Variants in REPS1 observed in about 807,000 individuals in gnomAD.
The protein encoded by REPS1 is RALBP1 associated Eps domain containing 1.
REPS1 carries 39 observed loss-of-function variants against 100.9 expected under a neutral mutation model. The ratio of observed to expected loss-of-function variants is 0.39; its 90% CI spans 0.30 to 0.50. REPS1 has a LOEUF of 0.50. Ranked by LOEUF, REPS1 falls within the 20% of genes least tolerant of loss-of-function variation. The pLI, the probability that REPS1 is intolerant of heterozygous loss-of-function variation, is 0.86. For missense variants in REPS1, 821 were observed against 968.5 expected (o/e 0.85, Z 2.02); for synonymous variants, 324 against 340.3 (o/e 0.95, Z 0.53).
chr6:138,987,580 C>T lies in REPS1; in HGVS notation c.103G>A (p.Val35Met). The T allele has an allele frequency of 6.4e-7, 1 of 1,550,942 alleles. No homozygotes were observed. Among genetic ancestry groups the T allele is most frequent in the South Asian group, 1.2e-5 (1 of 84,048 alleles). ...STKKVVVNGRVLELFRAAQLP... is the reference protein window; with the variant it reads ...STKKVVVNGRMLELFRAAQLP... ...TGCGCGGCCCGGAACAGCTCCAGCA[C>T]CCGCCCGTTGACCACCACCTTCTTG... Residue 35 changes from valine (V) to methionine (M), a missense_variant, in exon 1 of 20, where the codon GTG becomes ATG. By Grantham distance (21) the Val-to-Met change is conservative (BLOSUM62 1). Coordinates refer to ENST00000450536, the MANE Select transcript of REPS1 (RefSeq NM_001286611.2).
chr6:138,945,973 C>A (rs1279775968), intron 2 of REPS1, among the ~76,000 whole-genome samples: 2 of 152,238 alleles, frequency 1.3e-5, no homozygotes, highest in East Asian at 3.9e-4. Flanking sequence ...CCTATACTTG[C>A]CACTGAATAT....
chr6:138,955,977 C>T (rs1421831977), intron 1 of REPS1, among the ~76,000 whole-genome samples: 2 of 152,108 alleles, frequency 1.3e-5, no homozygotes, highest in Non-Finnish European at 2.9e-5. Flanking sequence ...TCATAGTGGA[C>T]TTTATATAGT....
chr6:138,931,841 T>C (rs1781502664), intron 8 of REPS1, among the ~76,000 whole-genome samples: 1 of 152,066 alleles, frequency 6.6e-6, no homozygotes, highest in Non-Finnish European at 1.5e-5. Flanking sequence ...AATTTGACAA[T>C]ATACTGAAAG....
At chr6:138,956,280 A>G (rs754634939) in intron 1 of REPS1, among the ~76,000 whole-genome samples, 3 of 152,150 alleles carry the variant, frequency 2.0e-5, no homozygotes, top group African/African-American at 7.2e-5. Context: ...CAGAATAGTG[A>G]CTAATGAAAT....
intron 1 of REPS1, among the ~76,000 whole-genome samples, chr6:138,963,292 A>G (rs183430031): frequency 1.3e-3 from 194 of 152,282 alleles, no homozygotes; most frequent in Non-Finnish European, 2.3e-3. Flanking sequence ...TTGAGTTACT[A>G]GTATTATCCA....
Position 138,904,553 on chromosome 6 carries a change from T to G in REPS1, c.*511A>C, listed in dbSNP as rs947296572. The stretch of plus-strand genomic sequence containing the variant: ...AGGCTTCAATGTACCACATGATTTG[T>G]GAAGAATGTAGACGGCTGCAGAGAG... On this transcript the variant is annotated 3_prime_UTR_variant, in exon 20 of 20. Transcript: ENST00000450536. 1 of 152,270 alleles carries G rather than the reference T, an allele frequency of 6.6e-6. No individual in the cohort carries two copies. The highest frequency in any genetic ancestry group is 1.5e-5 in the Non-Finnish European group (1 of 68,056). The allele number at this position is 152,270 out of a possible 1,614,324, so 9.4% of individuals were successfully genotyped here.
chr6:138,911,213 TA>T, intron 17 of REPS1, 62 bp downstream of exon 17: 1 of 1,131,218 alleles, frequency 8.8e-7, no homozygotes, highest in Non-Finnish European at 1.3e-6. Context: ...ACCTTATTTC[TA>T]AAAATTATTT....
chr6:138,953,836 T>C (rs946766408), intron 1 of REPS1, among the ~76,000 whole-genome samples: 1 of 152,142 alleles, frequency 6.6e-6, no homozygotes, highest in Non-Finnish European at 1.5e-5. Flanking sequence ...GCAATCCTAC[T>C]ACTGAGAATT....
At chr6:138,957,368 C>G (rs572672889) in intron 1 of REPS1, among the ~76,000 whole-genome samples, 1 of 152,214 alleles carries the variant, frequency 6.6e-6, no homozygotes, top group African/African-American at 2.4e-5. Context: ...CACTGAATAT[C>G]AGAAAACAAT....
chr6:138,907,313 AGTGTGT>A (rs6149828), intron 19 of REPS1, 176 bp downstream of exon 19: 20 of 135,310 alleles, frequency 1.5e-4, no homozygotes, highest in East Asian at 4.0e-4. Flanking sequence ...AAAAAAAAAA[AGTGTGT>A]GTGTGTGTGT....
intron 13 of REPS1, chr6:138,916,300 A>G: frequency 8.8e-6 from 2 of 226,204 alleles, no homozygotes; most frequent in Non-Finnish European, 1.7e-5. Flanking sequence ...GGCTCACTGC[A>G]ACCTCCGCCT....
chr6:138,916,109 T>G, intron 13 of REPS1, 133 bp from the exon 14 acceptor site: 2 of 727,468 alleles, frequency 2.7e-6, no homozygotes, highest in Non-Finnish European at 5.0e-6. Context: ...AGTATGTAAG[T>G]GTTACAATAA....
At chr6:138,911,083 G>A (rs1477761385) in intron 17 of REPS1, 193 bp downstream of exon 17, 2 of 489,976 alleles carry the variant, frequency 4.1e-6, no homozygotes, top group African/African-American at 3.9e-5. Context: ...GAGAACCTGT[G>A]ACACATACTT....
intron 19 of REPS1, 96 bp downstream of exon 19, chr6:138,907,399 T>C (rs1779732543): frequency 4.0e-6 from 3 of 750,018 alleles, no homozygotes; most frequent in East Asian, 2.8e-5. Flanking sequence ...AAGAGAACCA[T>C]ATATGTGATC....
intron 1 of REPS1, among the ~76,000 whole-genome samples, chr6:138,958,953 T>C (rs1462676007): frequency 6.6e-6 from 1 of 152,188 alleles, no homozygotes; most frequent in Non-Finnish European, 1.5e-5. Flanking sequence ...CCAGATATAA[T>C]GGAGTAGAAC....
At chr6:138,953,854 G>A (rs547516762) in intron 1 of REPS1, among the ~76,000 whole-genome samples, 1 of 152,162 alleles carries the variant, frequency 6.6e-6, no homozygotes, top group African/African-American at 2.4e-5. Context: ...ATTTATCCAA[G>A]GAAAGGAAAT....
chr6:138,977,900 T>C (rs1405553003), intron 1 of REPS1, among the ~76,000 whole-genome samples: 3 of 152,252 alleles, frequency 2.0e-5, no homozygotes, highest in Non-Finnish European at 4.4e-5. Context: ...ACAATACAAA[T>C]ACTAGGTATT....
At chr6:138,965,638 A>T (rs1783977500) in intron 1 of REPS1, among the ~76,000 whole-genome samples, 1 of 152,216 alleles carries the variant, frequency 6.6e-6, no homozygotes, top group South Asian at 2.1e-4. Flanking sequence ...AGAGGCATAA[A>T]CCAGGACTGT....
At position 138,929,313 on chromosome 6, in the gene REPS1, T is replaced by A. The variant is rs533525824; in HGVS notation, c.1257+664A>T. The A allele has an allele frequency of 2.6e-5, 4 of 152,320 alleles. No individual in the cohort carries two copies. The East Asian group carries it at 5.8e-4, about 22-fold the overall frequency. 9.4% of individuals were successfully genotyped at this position (152,320 alleles called of 1,614,324 possible). A position where few individuals can be genotyped will look rare whatever the true frequency, so the allele number is the denominator to read the frequency against. Reference sequence around the variant, plus strand: ...AGGCAGGGCCTCAGGTCCTCTTCCCTTATTCTGATCAGTGGCCCTTTTGAT... The same window carrying A: ...AGGCAGGGCCTCAGGTCCTCTTCCCATATTCTGATCAGTGGCCCTTTTGAT... On this transcript the variant is annotated intron_variant, in intron 9 of 19. Coordinates refer to ENST00000450536, the MANE Select transcript of REPS1 (RefSeq NM_001286611.2).
Sources: gnomAD v4.1 joint callset for allele counts (sites outside exome capture counted in the v4.1 genomes callset) on GRCh38, gnomAD v4.1.1 for gene constraint, MANE v1.5 for transcripts, NCBI Gene and HGNC (gene_info 2026-07-23, HGNC 2026-07-21) for gene names.